Variants in TLN2 observed in about 807,000 individuals in gnomAD.
TLN2 encodes the protein talin-2.
Under a neutral mutation model 294.7 loss-of-function variants are expected in TLN2, and 118 were observed. The observed-to-expected ratio is 0.40, with a 90% CI of 0.34 to 0.47. TLN2 has a LOEUF of 0.47. Ranked by LOEUF, TLN2 falls within the 20% of genes least tolerant of loss-of-function variation. The pLI is 0.84. For synonymous variants in TLN2, 1,431 were observed against 1,304.5 expected, an observed-to-expected ratio of 1.10 and a Z score of -2.09; for missense variants, 3,083 against 3,282.2, an observed-to-expected ratio of 0.94 and a Z score of 1.48.
chr15:62,519,737 A>G (rs2040364135), intron 1 of TLN2, among the ~76,000 whole-genome samples: 1 of 152,258 alleles, frequency 6.6e-6, no homozygotes, highest in African/African-American at 2.4e-5. Context: ...AAAATTGGCT[A>G]CACAGTTTTC....
intron 1 of TLN2, among the ~76,000 whole-genome samples, chr15:62,497,715 G>A (rs1339313587): frequency 6.6e-6 from 1 of 152,046 alleles, no homozygotes; most frequent in Non-Finnish European, 1.5e-5. Flanking sequence ...TTCTACATTT[G>A]GTTTTAGTAG....
intron 1 of TLN2, among the ~76,000 whole-genome samples, chr15:62,514,854 A>G (rs992857964): frequency 6.6e-6 from 1 of 152,192 alleles, no homozygotes; most frequent in Non-Finnish European, 1.5e-5. Flanking sequence ...ACAAACTGGG[A>G]AAATGAAAAC....
chr15:62,644,356 C>G (rs1431046835), intron 3 of TLN2, among the ~76,000 whole-genome samples: 3 of 152,078 alleles, frequency 2.0e-5, no homozygotes, highest in Non-Finnish European at 2.9e-5. Flanking sequence ...CCAATTTTTT[C>G]TCGTCTGCCA....
intron 1 of TLN2, among the ~76,000 whole-genome samples, chr15:62,478,322 C>G (rs781261810): frequency 6.6e-6 from 1 of 152,118 alleles, no homozygotes; most frequent in Non-Finnish European, 1.5e-5. Flanking sequence ...GAGATGGGGT[C>G]GCTTATTATT....
chr15:62,725,170 T>C, intron 27 of TLN2, 66 bp downstream of exon 27: 1 of 1,530,816 alleles, frequency 6.5e-7, no homozygotes. Context: ...AATTGTTTGT[T>C]GTTAGGGTGT....
intron 1 of TLN2, among the ~76,000 whole-genome samples, chr15:62,437,541 A>C (rs886745898): frequency 1.3e-5 from 2 of 151,994 alleles, no homozygotes; most frequent in Non-Finnish European, 2.9e-5. Flanking sequence ...CCTGGCTGAA[A>C]GGTGCTATTT....
Position 62,621,975 on chromosome 15 carries a change from AT to A in TLN2, c.-37+3503del, listed in dbSNP as rs1218993893. On this transcript the variant is annotated intron_variant, in intron 3 of 58. Coordinates refer to ENST00000636159, the MANE Select transcript of TLN2 (RefSeq NM_015059.3). ...GCTAGTGTAGATGTCAGTTGTGCAC[AT>A]TTAGGAAAATCTTGCTGGTATCCAG... Among the ~76,000 whole-genome samples, 3 of 150,444 alleles carry A rather than the reference AT, an allele frequency of 2.0e-5. No individual in the cohort carries two copies. The East Asian group carries it at 5.9e-4, about 30-fold the overall frequency.
At chr15:62,810,983 A>G (rs1282289306) in intron 52 of TLN2, among the ~76,000 whole-genome samples, 1 of 152,212 alleles carries the variant, frequency 6.6e-6, no homozygotes, top group African/African-American at 2.4e-5. Flanking sequence ...TTGCGCAGCC[A>G]TGAGGCTTAT....
At chr15:62,618,856 C>G (rs749761094) in intron 3 of TLN2, among the ~76,000 whole-genome samples, 1 of 152,178 alleles carries the variant, frequency 6.6e-6, no homozygotes, top group Non-Finnish European at 1.5e-5. Flanking sequence ...AACAAAGGTT[C>G]AGTTAGAAAA....
At chr15:62,654,670 G>A (rs1448928689) in intron 7 of TLN2, among the ~76,000 whole-genome samples, 4 of 144,650 alleles carry the variant, frequency 2.8e-5, no homozygotes, top group South Asian at 2.1e-4. Context: ...CAGGAGAATC[G>A]CTTGAACCCG....
rs200030164 is a variant in TLN2, at chr15:62,798,009, G to GC, written c.6234+609dup. Among the ~76,000 whole-genome samples the GC allele has an allele frequency of 8.3e-4, 126 of 152,314 alleles. 2 individuals are homozygous for GC. In the East Asian group the frequency reaches 0.019, roughly 23 times the overall value. On this transcript the variant is annotated intron_variant, in intron 48 of 58. Transcript: ENST00000636159. ...AGCAGCAGCTGCTGCAGGGAGGAAA[G>GC]CCGCGGGCATCATGTTGCCAGGATG... is the stretch of plus-strand genomic sequence containing the variant.
chr15:62,441,057 G>A lies in TLN2; in HGVS notation c.-238+50372G>A, dbSNP rs889096956. On this transcript the variant is annotated intron_variant, in intron 1 of 58. Coordinates refer to ENST00000636159, the MANE Select transcript of TLN2 (RefSeq NM_015059.3). Reference sequence around the variant, plus strand: ...CTTCACATTCATGCTCTGGGACAGCGTTTCCTGATGAAGCTCATTTCCTAG... The same window carrying A: ...CTTCACATTCATGCTCTGGGACAGCATTTCCTGATGAAGCTCATTTCCTAG... Among the ~76,000 whole-genome samples the A allele has an allele frequency of 2.6e-5, 4 of 152,100 alleles. No individual in the cohort carries two copies. The East Asian group carries it at 5.8e-4, about 22-fold the overall frequency.
At chr15:62,391,169 G>A (rs1262725075) in intron 1 of TLN2, among the ~76,000 whole-genome samples, 1 of 152,232 alleles carries the variant, frequency 6.6e-6, no homozygotes. Context: ...ACTGGCCGCC[G>A]GGACTCCAGC....
chr15:62,776,234 G>A (rs985585837), intron 42 of TLN2, among the ~76,000 whole-genome samples: 3 of 152,108 alleles, frequency 2.0e-5, no homozygotes, highest in Non-Finnish European at 4.4e-5. Flanking sequence ...AGGGCTCCAT[G>A]CATTTCTCCA....
At chr15:62,667,969 G>T (rs1299049022) in intron 9 of TLN2, among the ~76,000 whole-genome samples, 1 of 152,180 alleles carries the variant, frequency 6.6e-6, no homozygotes, top group African/African-American at 2.4e-5. Flanking sequence ...TGAAAATACT[G>T]TGTGATCTCA....
chr15:62,761,121 A>G (rs2062637358), intron 37 of TLN2, among the ~76,000 whole-genome samples: 1 of 152,154 alleles, frequency 6.6e-6, no homozygotes, highest in African/African-American at 2.4e-5. Context: ...GTTCTCATCT[A>G]TTCCTTCTCA....
chr15:62,553,937 CTTTTT>C (rs145432218), intron 1 of TLN2, among the ~76,000 whole-genome samples: 1 of 138,374 alleles, frequency 7.2e-6, no homozygotes, highest in African/African-American at 2.6e-5. Context: ...TTAATCTAAT[CTTTTT>C]TTTTTTTTTT....
At chr15:62,602,786 T>A (rs1012116449) in intron 2 of TLN2, among the ~76,000 whole-genome samples, 2 of 152,000 alleles carry the variant, frequency 1.3e-5, no homozygotes, top group Admixed American at 1.3e-4. Flanking sequence ...AGGCCCCACC[T>A]CCAAATATCA....
chr15:62,790,100 G>T (rs2064973576), intron 45 of TLN2, among the ~76,000 whole-genome samples: 1 of 152,218 alleles, frequency 6.6e-6, no homozygotes, highest in African/African-American at 2.4e-5. Context: ...CTTTATGCAT[G>T]TAACAGGATT....
Sources: allele counts gnomAD v4.1 joint callset (sites outside exome capture counted in the v4.1 genomes callset), GRCh38; gene constraint gnomAD v4.1.1; transcripts MANE v1.5; gene names NCBI Gene and HGNC (gene_info 2026-07-23, HGNC 2026-07-21).